Variants in CMIP observed in about 807,000 individuals in gnomAD.
The protein encoded by CMIP is c-Maf inducing protein.
A neutral mutation model predicts 97.3 loss-of-function variants in CMIP; 13 were observed. The ratio of observed to expected loss-of-function variants is 0.13; its 90% CI spans 0.09 to 0.21. The LOEUF is 0.21. CMIP is among the 10% of genes least tolerant of loss of function. The pLI is 1.00. For missense variants in CMIP, 847 were observed against 1,024.9 expected, an observed-to-expected ratio of 0.83 and a Z score of 2.37; for synonymous variants, 538 against 436.3, an observed-to-expected ratio of 1.23 and a Z score of -2.91.
At chr16:81,566,238 G>C (rs1203874830) in intron 1 of CMIP, among the ~76,000 whole-genome samples, 1 of 152,218 alleles carries the variant, frequency 6.6e-6, no homozygotes, top group Non-Finnish European at 1.5e-5. Flanking sequence ...TGTGCTTGGG[G>C]TTTAGTGGAC....
intron 1 of CMIP, among the ~76,000 whole-genome samples, chr16:81,499,897 T>C (rs2089564544): frequency 6.6e-6 from 1 of 152,268 alleles, no homozygotes; most frequent in South Asian, 2.1e-4. Flanking sequence ...TTTGGCCCTA[T>C]GGGAGGCATC....
At chr16:81,658,432 A>G (rs373875431) in intron 5 of CMIP, among the ~76,000 whole-genome samples, 9 of 152,382 alleles carry the variant, frequency 5.9e-5, no homozygotes, top group African/African-American at 2.2e-4. Context: ...GGAGTTCATC[A>G]TCTATTGTAG....
At chr16:81,599,846 A>G (rs553453844) in intron 1 of CMIP, among the ~76,000 whole-genome samples, 45 of 152,310 alleles carry the variant, frequency 3.0e-4, no homozygotes, top group African/African-American at 1.1e-3. Context: ...GAGGGATTAT[A>G]TATAAAGCTC....
chr16:81,624,259 G>A (rs1307798061), intron 3 of CMIP, among the ~76,000 whole-genome samples: 10 of 151,880 alleles, frequency 6.6e-5, no homozygotes, highest in South Asian at 2.1e-4. Context: ...TGTGCACAAC[G>A]TGCAGGTTTG....
At chr16:81,628,731 C>T (rs2092108714) in intron 3 of CMIP, among the ~76,000 whole-genome samples, 2 of 152,106 alleles carry the variant, frequency 1.3e-5, no homozygotes. Flanking sequence ...GAGCAGTGCC[C>T]CGGCTCCCAC....
chr16:81,643,754 T>G (rs576194200), intron 3 of CMIP, among the ~76,000 whole-genome samples: 38 of 152,270 alleles, frequency 2.5e-4, no homozygotes, highest in African/African-American at 8.7e-4. Flanking sequence ...GTCATGCCAC[T>G]GCCTGGGTGA....
chr16:81,522,928 T>C (rs1275209402), intron 1 of CMIP, among the ~76,000 whole-genome samples: 2 of 151,360 alleles, frequency 1.3e-5, no homozygotes, highest in Non-Finnish European at 3.0e-5. Context: ...TTGTATATGG[T>C]TTTTTTTTCT....
intron 1 of CMIP, among the ~76,000 whole-genome samples, chr16:81,590,823 T>TCATCCGTC (rs2091455262): frequency 6.6e-6 from 1 of 150,530 alleles, no homozygotes; most frequent in Non-Finnish European, 1.5e-5. Context: ...TCACTTTCTC[T>TCATCCGTC]CATCCATCCA....
At chr16:81,601,478 G>C (rs1022582238) in intron 1 of CMIP, among the ~76,000 whole-genome samples, 2 of 152,124 alleles carry the variant, frequency 1.3e-5, no homozygotes, top group African/African-American at 4.8e-5. Context: ...GCCATATCTG[G>C]TTTGGAATGC....
At chr16:81,553,843 G>A (rs990470382) in intron 1 of CMIP, among the ~76,000 whole-genome samples, 2 of 152,244 alleles carry the variant, frequency 1.3e-5, no homozygotes, top group African/African-American at 4.8e-5. Context: ...TGCTGGTGGA[G>A]GGACCACCTT....
At chr16:81,637,259 G>A (rs185447931) in intron 3 of CMIP, among the ~76,000 whole-genome samples, 107 of 152,238 alleles carry the variant, frequency 7.0e-4, no homozygotes, top group Non-Finnish European at 1.3e-3. Flanking sequence ...TTTTAGTAGA[G>A]ACGGGGTTTC....
chr16:81,548,254 C>T (rs941177449), intron 1 of CMIP, among the ~76,000 whole-genome samples: 9 of 151,846 alleles, frequency 5.9e-5, no homozygotes, highest in African/African-American at 1.9e-4. Context: ...CTCCCTCAGC[C>T]TCCTAAGTAG....
chr16:81,473,061 A>C (rs1311226379), intron 1 of CMIP, among the ~76,000 whole-genome samples: 5 of 152,154 alleles, frequency 3.3e-5, no homozygotes, highest in Admixed American at 6.5e-5. Context: ...GATCTATAAA[A>C]TGGGAGTGAA....
chr16:81,540,643 AGT>A (rs67286788), intron 1 of CMIP, among the ~76,000 whole-genome samples: 7,842 of 141,850 alleles, frequency 0.055, 273 homozygotes, highest in East Asian at 0.13. Flanking sequence ...TCTTGTTTTG[AGT>A]GTGTGTGTGT....
chr16:81,596,894 C>G (rs1466849340), intron 1 of CMIP, among the ~76,000 whole-genome samples: 1 of 152,252 alleles, frequency 6.6e-6, no homozygotes, highest in Non-Finnish European at 1.5e-5. Context: ...GGTGGAAGCA[C>G]ATGGTGATGT....
intron 2 of CMIP, among the ~76,000 whole-genome samples, chr16:81,613,761 G>A (rs183270807): frequency 7.0e-4 from 106 of 152,240 alleles, no homozygotes; most frequent in African/African-American, 2.4e-3. Context: ...AGCAGAATGG[G>A]TATATGAATG....
chr16:81,461,930 G>A (rs1365825119), intron 1 of CMIP, among the ~76,000 whole-genome samples: 1 of 152,224 alleles, frequency 6.6e-6, no homozygotes, highest in African/African-American at 2.4e-5. Flanking sequence ...GGCATTGCGT[G>A]TTGCGGTGAG....
chr16:81,595,277 C>CT (rs1413783574), intron 1 of CMIP, among the ~76,000 whole-genome samples: 3 of 152,210 alleles, frequency 2.0e-5, no homozygotes, highest in Admixed American at 2.0e-4. Context: ...AACCCACTGT[C>CT]TGTCTCTATG....
At chr16:81,642,174 G>A (rs1383251508) in intron 3 of CMIP, among the ~76,000 whole-genome samples, 1 of 152,246 alleles carries the variant, frequency 6.6e-6, no homozygotes, top group Non-Finnish European at 1.5e-5. Context: ...CTTGGAAAAT[G>A]TCAGCCCTTG....
Sources: gnomAD v4.1 joint callset for allele counts (sites outside exome capture counted in the v4.1 genomes callset) on GRCh38, gnomAD v4.1.1 for gene constraint, MANE v1.5 for transcripts, NCBI Gene and HGNC (gene_info 2026-07-23, HGNC 2026-07-21) for gene names.